The following TINAG variants were observed in gnomAD, a reference collection of about 807,000 sequenced individuals.
The protein encoded by TINAG is tubulointerstitial nephritis antigen.
TINAG carries 83 observed loss-of-function variants against 72.7 expected under a neutral mutation model. The observed-to-expected ratio is 1.14, with a 90% CI of 0.96 to 1.37. The LOEUF is 1.37. Ranked by LOEUF, TINAG falls within the 40% of genes most tolerant of loss-of-function variation. The pLI, the probability that TINAG is intolerant of heterozygous loss-of-function variation, is 0.00. For synonymous variants in TINAG, 234 were observed against 189.9 expected (o/e 1.23, Z -1.91); for missense variants, 685 against 576.6 (o/e 1.19, Z -1.93).
chr6:54,342,256 G>A (rs560406192), intron 4 of TINAG, among the ~76,000 whole-genome samples: 1 of 152,144 alleles, frequency 6.6e-6, no homozygotes, highest in Admixed American at 6.5e-5. Flanking sequence ...CAATTTAGTT[G>A]GCTTCTTGGA....
chr6:54,381,384 C>T (rs964432221), intron 10 of TINAG, among the ~76,000 whole-genome samples: 3 of 151,662 alleles, frequency 2.0e-5, no homozygotes, highest in African/African-American at 7.3e-5. Context: ...AGAATAAAGT[C>T]TATGTGGTAA....
At chr6:54,327,252 C>T (rs531378211) in intron 4 of TINAG, 53 of 1,407,040 alleles carry the variant, frequency 3.8e-5, no homozygotes, top group South Asian at 3.2e-4. Flanking sequence ...CTGAGGTACA[C>T]GGTTCATCTC....
intron 6 of TINAG, among the ~76,000 whole-genome samples, chr6:54,348,240 T>G (rs1231350856): frequency 6.6e-6 from 1 of 152,130 alleles, no homozygotes. Context: ...TTTGATGGGT[T>G]GCAATAAATT....
intron 9 of TINAG, among the ~76,000 whole-genome samples, chr6:54,372,293 C>A (rs1763643425): frequency 6.6e-6 from 1 of 151,836 alleles, no homozygotes; most frequent in South Asian, 2.1e-4. Flanking sequence ...CGCCCAGCCT[C>A]AACTAGTTTT....
At chr6:54,324,800 A>G (rs1238972291) in intron 3 of TINAG, among the ~76,000 whole-genome samples, 1 of 152,164 alleles carries the variant, frequency 6.6e-6, no homozygotes, top group Non-Finnish European at 1.5e-5. Context: ...TCTAGACTAT[A>G]TTCTAATGCA....
intron 1 of TINAG, among the ~76,000 whole-genome samples, chr6:54,317,351 C>T (rs1365335957): frequency 2.6e-5 from 4 of 152,124 alleles, no homozygotes; most frequent in Non-Finnish European, 1.5e-5. Context: ...CCATAATTCT[C>T]ACCTGTCATG....
chr6:54,364,612 T>C (rs924104055), intron 9 of TINAG, among the ~76,000 whole-genome samples: 1 of 151,374 alleles, frequency 6.6e-6, no homozygotes, highest in Non-Finnish European at 1.5e-5. Flanking sequence ...TTTAAAACCA[T>C]TATGAGAAAA....
chr6:54,383,245 T>A (rs1764002541), intron 10 of TINAG, among the ~76,000 whole-genome samples: 1 of 152,132 alleles, frequency 6.6e-6, no homozygotes, highest in South Asian at 2.1e-4. Flanking sequence ...TATACAATGT[T>A]TTGTGGGTCA....
At chr6:54,342,073 G>A (rs866420977) in intron 4 of TINAG, among the ~76,000 whole-genome samples, 1 of 152,192 alleles carries the variant, frequency 6.6e-6, no homozygotes, top group Admixed American at 6.5e-5. Flanking sequence ...GTGTGTGTGT[G>A]TGTGTGTGTG....
intron 9 of TINAG, among the ~76,000 whole-genome samples, chr6:54,364,768 A>G (rs1025525339): frequency 5.3e-5 from 8 of 151,198 alleles, no homozygotes; most frequent in African/African-American, 1.7e-4. Context: ...TGATATCTCT[A>G]TATCTATCTA....
At chr6:54,350,228 G>A (rs780734039) in intron 7 of TINAG, among the ~76,000 whole-genome samples, 8 of 151,952 alleles carry the variant, frequency 5.3e-5, no homozygotes, top group Non-Finnish European at 1.0e-4. Flanking sequence ...CTTTTTTGTG[G>A]TATTAGCTCA....
At chr6:54,353,500 G>C (rs902650505) in intron 8 of TINAG, among the ~76,000 whole-genome samples, 1 of 151,838 alleles carries the variant, frequency 6.6e-6, no homozygotes. Flanking sequence ...GTGATGGATA[G>C]AGAACAAAAG....
intron 7 of TINAG, 30 bp downstream of exon 7, chr6:54,349,926 G>T: frequency 6.7e-7 from 1 of 1,483,736 alleles, no homozygotes. Flanking sequence ...ATCAAGAATA[G>T]TTGGCTTTCT....
intron 5 of TINAG, among the ~76,000 whole-genome samples, chr6:54,346,458 A>G (rs920247729): frequency 1.3e-5 from 2 of 151,684 alleles, no homozygotes; most frequent in African/African-American, 4.8e-5. Flanking sequence ...TAACAATATG[A>G]TAGTCATAAA....
intron 3 of TINAG, among the ~76,000 whole-genome samples, chr6:54,322,090 G>A (rs1784503546): frequency 6.6e-6 from 1 of 152,062 alleles, no homozygotes; most frequent in African/African-American, 2.4e-5. Flanking sequence ...TGGATCACTT[G>A]AGGCCAGGAG....
intron 9 of TINAG, among the ~76,000 whole-genome samples, chr6:54,361,920 A>C (rs1393474949): frequency 2.0e-5 from 3 of 151,712 alleles, no homozygotes; most frequent in Non-Finnish European, 4.4e-5. Flanking sequence ...CCAAAGCCTA[A>C]TTCACAGCAA....
chr6:54,356,107 G>T (rs992128339), intron 9 of TINAG, among the ~76,000 whole-genome samples: 1 of 151,828 alleles, frequency 6.6e-6, no homozygotes, highest in Admixed American at 6.6e-5. Flanking sequence ...GCCTATGGTA[G>T]CTTCCTATTA....
chr6:54,319,243 A>C (rs1262529142), intron 1 of TINAG, among the ~76,000 whole-genome samples: 1 of 152,100 alleles, frequency 6.6e-6, no homozygotes, highest in Non-Finnish European at 1.5e-5. Context: ...TTGAATGAAA[A>C]CTTGGATTGT....
chr6:54,342,690 A>G (rs1238744975), intron 4 of TINAG, among the ~76,000 whole-genome samples: 1 of 152,188 alleles, frequency 6.6e-6, no homozygotes, highest in East Asian at 1.9e-4. Context: ...TTAGACTTCA[A>G]GTATTTTATA....
Sources: allele counts gnomAD v4.1 joint callset (sites outside exome capture counted in the v4.1 genomes callset), GRCh38; gene constraint gnomAD v4.1.1; transcripts MANE v1.5; gene names NCBI Gene and HGNC (gene_info 2026-07-23, HGNC 2026-07-21).